Variants in CADM2 observed in about 807,000 individuals in gnomAD.
The protein encoded by CADM2 is immunoglobulin superfamily member 4D.
Under a neutral mutation model 49.8 loss-of-function variants are expected in CADM2, and 12 were observed. The ratio of observed to expected loss-of-function variants is 0.24; its 90% CI spans 0.15 to 0.39. CADM2 has a LOEUF of 0.39. Ranked by LOEUF, CADM2 falls within the 10% of genes least tolerant of loss-of-function variation. CADM2 has a pLI of 1.00. For synonymous variants in CADM2, 214 were observed against 175.4 expected, an observed-to-expected ratio of 1.22 and a Z score of -1.74; for missense variants, 378 against 492.3, an observed-to-expected ratio of 0.77 and a Z score of 2.20.
intron 1 of CADM2, among the ~76,000 whole-genome samples, chr3:85,618,402 A>G (rs754527550): frequency 6.6e-6 from 1 of 152,180 alleles, no homozygotes; most frequent in Non-Finnish European, 1.5e-5. Context: ...AAGAGTCATT[A>G]AAGTAAGTAA....
chr3:85,791,307 C>G (rs749498039), intron 2 of CADM2, among the ~76,000 whole-genome samples: 4 of 152,132 alleles, frequency 2.6e-5, no homozygotes, highest in Non-Finnish European at 4.4e-5. Flanking sequence ...GTCCACACAA[C>G]TACTGAGCCA....
At chr3:85,241,245 G>A (rs1447314479) in intron 1 of CADM2, among the ~76,000 whole-genome samples, 1 of 151,296 alleles carries the variant, frequency 6.6e-6, no homozygotes, top group Non-Finnish European at 1.5e-5. Context: ...TCTAGTGCTT[G>A]AAAAATAAGA....
intron 3 of CADM2, among the ~76,000 whole-genome samples, chr3:85,804,865 T>TG (rs1314926500): frequency 4.6e-5 from 7 of 152,304 alleles, no homozygotes; most frequent in Non-Finnish European, 1.5e-5. Context: ...TTGGGAAATA[T>TG]GGTAATATAT....
chr3:86,073,365 C>G lies in CADM2; in HGVS notation c.*6582C>G, dbSNP rs959542471. The G allele has an allele frequency of 1.3e-5, 2 of 151,844 alleles. No homozygotes were observed. The highest frequency in any genetic ancestry group is 4.8e-5 in the African/African-American group (2 of 41,392). The allele number at this position is 151,844 out of a possible 1,614,324, so 9.4% of individuals were successfully genotyped here. On this transcript the variant is annotated 3_prime_UTR_variant, in exon 10 of 10. Coordinates refer to ENST00000383699, the MANE Select transcript of CADM2 (RefSeq NM_001167675.2). ...AGATCCAACAAATTAACCATATAAG[C>G]ACAGAAAATAGAGAAACACAGTTAT...
chr3:86,018,792 A>G (rs1218876188), intron 8 of CADM2, among the ~76,000 whole-genome samples: 1 of 151,648 alleles, frequency 6.6e-6, no homozygotes, highest in African/African-American at 2.4e-5. Context: ...TTGTCAGATG[A>G]GTAGGTTGTG....
chr3:85,444,676 G>A (rs2037365411), intron 1 of CADM2, among the ~76,000 whole-genome samples: 2 of 152,092 alleles, frequency 1.3e-5, no homozygotes, highest in African/African-American at 2.4e-5. Flanking sequence ...TATAGTGTCT[G>A]TCAACATATA....
At chr3:85,885,019 A>G (rs1234428992) in intron 4 of CADM2, among the ~76,000 whole-genome samples, 1 of 151,494 alleles carries the variant, frequency 6.6e-6, no homozygotes, top group Non-Finnish European at 1.5e-5. Context: ...GTACCTGGCC[A>G]TAAAATACAG....
intron 3 of CADM2, among the ~76,000 whole-genome samples, chr3:85,844,492 CAATGAA>C (rs1306000761): frequency 1.3e-5 from 2 of 152,018 alleles, no homozygotes; most frequent in Non-Finnish European, 2.9e-5. Context: ...AAGAAAGAAA[CAATGAA>C]AAGGAGAGTA....
chr3:85,181,691 T>C (rs928227335), intron 1 of CADM2, among the ~76,000 whole-genome samples: 2 of 151,924 alleles, frequency 1.3e-5, no homozygotes, highest in Non-Finnish European at 2.9e-5. Flanking sequence ...TCACTATTTT[T>C]TCAAATGTTC....
At chr3:85,507,725 C>T (rs2040421727) in intron 1 of CADM2, among the ~76,000 whole-genome samples, 1 of 152,118 alleles carries the variant, frequency 6.6e-6, no homozygotes, top group African/African-American at 2.4e-5. Context: ...TTGTGCTCCT[C>T]AGCAATATTA....
intron 1 of CADM2, among the ~76,000 whole-genome samples, chr3:85,296,740 C>A (rs1479785196): frequency 6.6e-6 from 1 of 151,970 alleles, no homozygotes; most frequent in Non-Finnish European, 1.5e-5. Flanking sequence ...TAAGGGAGTG[C>A]TCTTTAAAAA....
chr3:85,420,626 C>T (rs984634344), intron 1 of CADM2, among the ~76,000 whole-genome samples: 1 of 151,970 alleles, frequency 6.6e-6, no homozygotes, highest in African/African-American at 2.4e-5. Context: ...GGACTCAAAC[C>T]AAGACAAAGT....
chr3:85,225,253 T>G (rs1478814219), intron 1 of CADM2, among the ~76,000 whole-genome samples: 1 of 152,210 alleles, frequency 6.6e-6, no homozygotes, highest in Non-Finnish European at 1.5e-5. Flanking sequence ...TTCTTCCGTT[T>G]GTATGTCTCC....
intron 8 of CADM2, chr3:86,015,261 A>G (rs1732071622): frequency 4.8e-6 from 1 of 208,504 alleles, no homozygotes; most frequent in East Asian, 1.1e-4. Context: ...GTACCTGTTT[A>G]AATGGCCCCT....
intron 1 of CADM2, among the ~76,000 whole-genome samples, chr3:85,268,504 C>A (rs2043169414): frequency 6.6e-6 from 1 of 151,250 alleles, no homozygotes; most frequent in Admixed American, 6.6e-5. Context: ...TAGTATTTGA[C>A]AGTTCAATTT....
intron 1 of CADM2, among the ~76,000 whole-genome samples, chr3:85,446,017 G>T (rs536513521): frequency 6.6e-6 from 1 of 152,002 alleles, no homozygotes. Flanking sequence ...GATTTCAGGC[G>T]AGGTGTATGT....
At chr3:85,333,263 A>G (rs1285190860) in intron 1 of CADM2, among the ~76,000 whole-genome samples, 1 of 151,808 alleles carries the variant, frequency 6.6e-6, no homozygotes, top group East Asian at 1.9e-4. Flanking sequence ...AAAAGTAATA[A>G]TCTTAATTAC....
chr3:86,055,451 CTTTTTTTTTTTTT>C lies in CADM2; in HGVS notation c.971-10138_971-10126del, dbSNP rs57606781. 8.3e-3 allele frequency among the ~76,000 whole-genome samples: 729 copies of C among 87,524 alleles called. 10 individuals are homozygous for C. In the East Asian group the frequency reaches 0.091, roughly 11 times the overall value. The allele number at this position is 87,524 out of a possible 152,430, so 57.4% of individuals were successfully genotyped here. A position where few individuals can be genotyped will look rare whatever the true frequency, so the allele number is the denominator to read the frequency against. On this transcript the variant is annotated intron_variant, in intron 8 of 9. Coordinates refer to ENST00000383699, the MANE Select transcript of CADM2 (RefSeq NM_001167675.2). ...AGCAATGCAACTCTGGGCATCCCCT[CTTTTTTTTTTTTT>C]TTTTTTTTTTTTTTTGGTTTTAGAG...
rs113342113 is a variant in CADM2, at chr3:85,017,957, C to T, written c.61+58289C>T. On this transcript the variant is annotated intron_variant, in intron 1 of 9. Transcript: ENST00000383699. ...AAGATTCTTAACACTGTTGCTTAAT[C>T]TCTGGTCAATGAATGTTCCCAGAAT... is the stretch of plus-strand genomic sequence containing the variant. 8.2e-4 allele frequency among the ~76,000 whole-genome samples: 125 copies of T among 152,304 alleles called. No homozygotes were observed. In the Middle Eastern group the frequency reaches 0.017, roughly 21 times the overall value.
Sources: gnomAD v4.1 joint callset for allele counts (sites outside exome capture counted in the v4.1 genomes callset) on GRCh38, gnomAD v4.1.1 for gene constraint, MANE v1.5 for transcripts, NCBI Gene and HGNC (gene_info 2026-07-23, HGNC 2026-07-21) for gene names.